ANKRD50: variants seen among roughly 807,000 people sequenced by gnomAD.
The protein encoded by ANKRD50 is ankyrin repeat domain 50, also known as ankyrin repeat domain-containing protein 50.
Under a neutral mutation model 112.0 loss-of-function variants are expected in ANKRD50, and 40 were observed. The observed-to-expected ratio is 0.36, with a 90% CI of 0.28 to 0.46. The LOEUF (loss-of-function observed/expected upper bound fraction) is 0.46, where lower values mean the gene tolerates loss of function less well. ANKRD50 is among the 20% of genes least tolerant of loss of function. ANKRD50 has a pLI of 1.00. For synonymous variants in ANKRD50, 613 were observed against 619.1 expected, an observed-to-expected ratio of 0.99 and a Z score of 0.15; for missense variants, 1,487 against 1,701.7, an observed-to-expected ratio of 0.87 and a Z score of 2.22.
Position 124,671,582 on chromosome 4 carries a change from G to A in ANKRD50, c.1695C>T (p.Val565=), listed in dbSNP as rs772306943. 8.7e-6 allele frequency: 14 copies of A among 1,613,684 alleles called. No homozygotes were observed. The East Asian group carries it at 3.1e-4, about 36-fold the overall frequency. The stretch of plus-strand genomic sequence containing the variant: ...CTATCTCTAAATCTGCTCCCCTAGA[G>A]ACAAGTAAATTGACTACATCAAGAC... ...SGSLDVVNLL[V]SRGADLEIED... The change falls in exon 4 of 5, where the codon GTC becomes GTT. Residue 565 remains valine (V), a synonymous_variant. Coordinates refer to ENST00000504087, the MANE Select transcript of ANKRD50 (RefSeq NM_020337.3).
At chr4:124,683,401 C>G (rs1009414539) in intron 2 of ANKRD50, among the ~76,000 whole-genome samples, 1 of 151,684 alleles carries the variant, frequency 6.6e-6, no homozygotes, top group Admixed American at 6.6e-5. Flanking sequence ...TCAGGGTAAT[C>G]GTGGTACCTA....
intron 2 of ANKRD50, among the ~76,000 whole-genome samples, chr4:124,696,888 T>C (rs941760743): frequency 6.6e-6 from 1 of 152,190 alleles, no homozygotes; most frequent in African/African-American, 2.4e-5. Context: ...TTTGAGGATC[T>C]AATGATTTTT....
rs1225400170 is a variant in ANKRD50, at chr4:124,669,831, G to A, written c.3446C>T (p.Ser1149Leu). The A allele has an allele frequency of 9.3e-6, 15 of 1,612,738 alleles. No homozygotes were observed. The highest frequency in any genetic ancestry group is 1.7e-4 in the Middle Eastern group (1 of 6,052). ...AGGCCCATTAGGTAAACCACGTAACGAAGGCTGCATATCCCCTCCACCAGT... is the reference window on the plus strand; with the variant it reads ...AGGCCCATTAGGTAAACCACGTAACAAAGGCTGCATATCCCCTCCACCAGT... The part of the protein sequence containing the change: ...GSTGGGDMQP[S>L]LRGLPNGPTH... The change falls in exon 4 of 5, where the codon TCG becomes TTG. Residue 1149 changes from serine (S) to leucine (L), a missense_variant. By Grantham distance (145) the Ser-to-Leu change is moderately radical. Around this residue, in one of 2 missense-constraint regions of ANKRD50, gnomAD observed 441 missense variants for 432.2 expected, o/e 1.02. Transcript: ENST00000504087.
chr4:124,712,002 C>G (rs922148479), intron 1 of ANKRD50, among the ~76,000 whole-genome samples: 2 of 152,206 alleles, frequency 1.3e-5, no homozygotes, highest in Middle Eastern at 3.4e-3. Context: ...CCAGTTTCAG[C>G]TGACAGACAA....
At chr4:124,689,259 C>A (rs1725078538) in intron 2 of ANKRD50, among the ~76,000 whole-genome samples, 1 of 152,086 alleles carries the variant, frequency 6.6e-6, no homozygotes, top group Admixed American at 6.6e-5. Context: ...GGGTTTATTT[C>A]ATTATTGATA....
rs1051207099 is a variant in ANKRD50, at chr4:124,710,232, T to C, written c.280A>G (p.Ser94Gly). The C allele has an allele frequency of 6.2e-7, 1 of 1,614,118 alleles. No individual in the cohort carries two copies. Among genetic ancestry groups the C allele is most frequent in the Non-Finnish European group, 8.5e-7 (1 of 1,180,052 alleles). Residue 94 changes from serine to glycine, a missense_variant, in exon 2 of 5, where the codon AGT (serine) becomes GGT (glycine). Ser to Gly is a moderately conservative substitution (Grantham distance 56, BLOSUM62 0). This residue lies in a region of ANKRD50 where 1,046 missense variants were observed against 1,269.5 expected (regional missense o/e 0.82). Transcript: ENST00000504087. ...CCTCTCTGCAAACTTGCAGGTGAAC[T>C]TGGCCATAAGAGTTCAGTACATAGG... is the stretch of plus-strand genomic sequence containing the variant. ...TALCTELLWP[S>G]SPASLQRGLH... is the part of the protein sequence containing the mutation.
At chr4:124,688,058 C>G (rs1201241823) in intron 2 of ANKRD50, among the ~76,000 whole-genome samples, 1 of 152,190 alleles carries the variant, frequency 6.6e-6, no homozygotes, top group East Asian at 1.9e-4. Context: ...TAAATGTTTA[C>G]AGCAGCTTTA....
At chr4:124,708,165 TAAG>T (rs1447701805) in intron 2 of ANKRD50, among the ~76,000 whole-genome samples, 13 of 152,094 alleles carry the variant, frequency 8.5e-5, no homozygotes, top group Admixed American at 5.9e-4. Context: ...GAAAAAGCAG[TAAG>T]AAGAAAAGAG....
intron 2 of ANKRD50, among the ~76,000 whole-genome samples, chr4:124,690,112 A>G (rs2110519003): frequency 6.6e-6 from 1 of 152,304 alleles, no homozygotes; most frequent in South Asian, 2.1e-4. Flanking sequence ...GAAATGCTAG[A>G]GTTACACAAA....
chr4:124,709,147 G>A (rs1224184964), intron 2 of ANKRD50, among the ~76,000 whole-genome samples: 5 of 151,620 alleles, frequency 3.3e-5, no homozygotes, highest in Admixed American at 3.3e-4. Flanking sequence ...GAATGTTATT[G>A]TAGAGAAAAA....
chr4:124,698,437 G>T (rs1725305933), intron 2 of ANKRD50, among the ~76,000 whole-genome samples: 1 of 151,406 alleles, frequency 6.6e-6, no homozygotes, highest in Admixed American at 6.6e-5. Flanking sequence ...TTATTATATA[G>T]GAAGCCAAGT....
intron 2 of ANKRD50, among the ~76,000 whole-genome samples, chr4:124,701,904 A>G (rs1288043956): frequency 6.6e-6 from 1 of 152,220 alleles, no homozygotes; most frequent in Admixed American, 6.5e-5. Flanking sequence ...AAATTAAAAA[A>G]GGCAAAATTT....
At chr4:124,694,609 G>A (rs1725208917) in intron 2 of ANKRD50, among the ~76,000 whole-genome samples, 1 of 152,134 alleles carries the variant, frequency 6.6e-6, no homozygotes, top group Non-Finnish European at 1.5e-5. Flanking sequence ...GAAACAAAAA[G>A]CACTGCTGAC....
At chr4:124,682,402 G>A (rs192411990) in intron 2 of ANKRD50, among the ~76,000 whole-genome samples, 12 of 151,292 alleles carry the variant, frequency 7.9e-5, no homozygotes, top group Non-Finnish European at 1.5e-4. Context: ...TTGACAATTA[G>A]GTTGATTCGG....
intron 4 of ANKRD50, among the ~76,000 whole-genome samples, chr4:124,667,755 A>G (rs988104866): frequency 3.9e-5 from 6 of 151,980 alleles, no homozygotes; most frequent in South Asian, 2.1e-4. Context: ...TTTAAAACAG[A>G]TATCATGAGA....
chr4:124,668,944 C>G (rs531563080), intron 4 of ANKRD50, 40 bp downstream of exon 4: 9 of 1,548,574 alleles, frequency 5.8e-6, no homozygotes, highest in Non-Finnish European at 7.9e-6. Flanking sequence ...AGAGGGAACT[C>G]TACTTTTGTT....
At chr4:124,673,937 A>G (rs1374430195) in intron 3 of ANKRD50, among the ~76,000 whole-genome samples, 2 of 152,048 alleles carry the variant, frequency 1.3e-5, no homozygotes, top group Non-Finnish European at 2.9e-5. Flanking sequence ...TAAATCCTCA[A>G]CAGAAATAAT....
intron 2 of ANKRD50, among the ~76,000 whole-genome samples, chr4:124,686,304 T>G (rs1316835304): frequency 6.6e-6 from 1 of 152,144 alleles, no homozygotes; most frequent in African/African-American, 2.4e-5. Context: ...ATGTCCCTCC[T>G]AGCCTTTTAA....
At chr4:124,683,164 C>G (rs986546089) in intron 2 of ANKRD50, among the ~76,000 whole-genome samples, 1 of 151,614 alleles carries the variant, frequency 6.6e-6, no homozygotes, top group Non-Finnish European at 1.5e-5. Context: ...TTTATACACA[C>G]ACAGGCAACA....
Sources: allele counts gnomAD v4.1 joint callset (sites outside exome capture counted in the v4.1 genomes callset), GRCh38; gene constraint gnomAD v4.1.1; regional missense constraint gnomAD v4.1.1; transcripts MANE v1.5; gene names NCBI Gene and HGNC (gene_info 2026-07-23, HGNC 2026-07-21).